Variants in IRF2 observed in about 807,000 individuals in gnomAD.
The protein encoded by IRF2 is interferon regulatory factor 2.
Under a neutral mutation model 40.6 loss-of-function variants are expected in IRF2, and 15 were observed. That is an observed-to-expected ratio of 0.37 (90% CI 0.25 to 0.57). IRF2 has a LOEUF of 0.57. Among genes scored for constraint, IRF2 ranks in the 20% least tolerant of loss-of-function variants. The pLI, the probability that IRF2 is intolerant of heterozygous loss-of-function variation, is 0.77. For missense variants in IRF2, 317 were observed against 455.7 expected, an observed-to-expected ratio of 0.70 and a Z score of 2.77; for synonymous variants, 151 against 165.5, an observed-to-expected ratio of 0.91 and a Z score of 0.67.
chr4:184,415,746 G>C (rs748910289), intron 5 of IRF2, among the ~76,000 whole-genome samples: 1 of 152,184 alleles, frequency 6.6e-6, no homozygotes, highest in Non-Finnish European at 1.5e-5. Context: ...CATTAACTGC[G>C]ATTATGAAAT....
At chr4:184,395,898 C>G (rs1736438174) in intron 7 of IRF2, among the ~76,000 whole-genome samples, 2 of 152,210 alleles carry the variant, frequency 1.3e-5, no homozygotes, top group African/African-American at 4.8e-5. Context: ...CTGCTGTTCT[C>G]CGGAATCTTT....
At chr4:184,467,339 C>T (rs1739364058) in intron 1 of IRF2, among the ~76,000 whole-genome samples, 1 of 152,188 alleles carries the variant, frequency 6.6e-6, no homozygotes, top group South Asian at 2.1e-4. Flanking sequence ...CCAGGAGTCA[C>T]TAGTCACCTA....
In IRF2 at chr4:184,448,212, C is replaced by A. The variant is rs537747703; in HGVS notation, c.-6-19142G>T. ...ATTTCCAGTACAGAGGGAAAGACGA[C>A]GACAGCCTTTCTGCAAATACAACAA... On this transcript the variant is annotated intron_variant, in intron 1 of 8. Transcript: ENST00000393593. The surrounding 1 kb of genome is among the most constrained non-coding windows in gnomAD (Gnocchi z 4.3). Among the ~76,000 whole-genome samples the A allele has an allele frequency of 6.6e-6, 1 of 152,190 alleles. No homozygotes were observed. Among genetic ancestry groups the A allele is most frequent in the Admixed American group, 6.5e-5 (1 of 15,284 alleles).
intron 1 of IRF2, among the ~76,000 whole-genome samples, chr4:184,455,301 CTTTTTT>C (rs1238177005): frequency 6.3e-5 from 2 of 31,928 alleles, no homozygotes; most frequent in Non-Finnish European, 1.1e-4. Flanking sequence ...CCTTCTTCTT[CTTTTTT>C]TTTTTTTTTT....
At chr4:184,452,375 C>T (rs1416986255) in intron 1 of IRF2, among the ~76,000 whole-genome samples, 6 of 152,294 alleles carry the variant, frequency 3.9e-5, no homozygotes, top group South Asian at 2.1e-4. Context: ...GAGTGAAAGA[C>T]GAGGCCATAG....
At position 184,395,140 on chromosome 4, in the gene IRF2, G is replaced by A. The variant is rs183049144; in HGVS notation, c.694+3775C>T. ...AAGGTGGTCAGAGCATGCCGGGCGC[G>A]GTGGCTCACGCCTGGAATCCCAGCA... On this transcript the variant is annotated intron_variant, in intron 7 of 8. Transcript: ENST00000393593. Among the ~76,000 whole-genome samples the A allele has an allele frequency of 3.3e-5, 5 of 151,966 alleles. No individual in the cohort carries two copies. The East Asian group carries it at 5.9e-4, about 18-fold the overall frequency.
At chr4:184,401,740 G>C (rs1424467710) in intron 6 of IRF2, among the ~76,000 whole-genome samples, 1 of 152,232 alleles carries the variant, frequency 6.6e-6, no homozygotes, top group South Asian at 2.1e-4. Context: ...CAAATGGGGT[G>C]TGAGAGTTTG....
chr4:184,452,389 T>C (rs1050856430), intron 1 of IRF2, among the ~76,000 whole-genome samples: 4 of 152,204 alleles, frequency 2.6e-5, no homozygotes, highest in Non-Finnish European at 4.4e-5. Flanking sequence ...GCCATAGCCA[T>C]ATCCAGAGGC....
At chr4:184,402,702 T>C (rs186748067) in intron 6 of IRF2, among the ~76,000 whole-genome samples, 3 of 152,160 alleles carry the variant, frequency 2.0e-5, no homozygotes, top group Admixed American at 2.0e-4. Flanking sequence ...ACAATTAATG[T>C]TTTCTAGAAA....
chr4:184,451,960 A>G (rs1738729034), intron 1 of IRF2, among the ~76,000 whole-genome samples: 2 of 152,176 alleles, frequency 1.3e-5, no homozygotes, highest in Admixed American at 6.5e-5. Context: ...AAGCCTTTTG[A>G]CCCTGTATGA....
At chr4:184,459,596 G>C (rs1056997879) in intron 1 of IRF2, among the ~76,000 whole-genome samples, 79 of 152,288 alleles carry the variant, frequency 5.2e-4, no homozygotes, top group African/African-American at 1.9e-3. Flanking sequence ...ATGGGGAGAA[G>C]CTTAGTTTTT....
At chr4:184,410,992 G>C (rs1737051522) in intron 5 of IRF2, among the ~76,000 whole-genome samples, 1 of 151,732 alleles carries the variant, frequency 6.6e-6, no homozygotes, top group Non-Finnish European at 1.5e-5. Context: ...AGAAGCCCTT[G>C]TATCCTGCCC....
chr4:184,472,574 G>A (rs1167196347), intron 1 of IRF2: 1 of 152,122 alleles, frequency 6.6e-6, no homozygotes, highest in African/African-American at 2.4e-5. Context: ...GAGGCCGGTG[G>A]CTGAAGACGA....
In IRF2 at chr4:184,408,576, A is replaced by G. The variant is rs1351242979; in HGVS notation, c.412-301T>C. Among the ~76,000 whole-genome samples, 1 of 152,202 alleles carries G rather than the reference A, an allele frequency of 6.6e-6. No homozygotes were observed. Among genetic ancestry groups the G allele is most frequent in the Non-Finnish European group, 1.5e-5 (1 of 68,038 alleles). On this transcript the variant is annotated intron_variant, in intron 5 of 8. Transcript: ENST00000393593. This position sits in a 1 kb window ranked among gnomAD's most constrained non-coding sequence, Gnocchi z 4.9. ...TAGCTTTGGGGCTACGCAGAGCTGCATCATTGTCTCTGTAAAATGCTGCAC... is the reference window on the plus strand; with the variant it reads ...TAGCTTTGGGGCTACGCAGAGCTGCGTCATTGTCTCTGTAAAATGCTGCAC...
At chr4:184,424,700 T>A (rs1362027778) in intron 2 of IRF2, among the ~76,000 whole-genome samples, 2 of 152,202 alleles carry the variant, frequency 1.3e-5, no homozygotes, top group African/African-American at 4.8e-5. Context: ...AATAAATTCC[T>A]CTTCTTTACA....
At chr4:184,440,047 G>A (rs1738244262) in intron 1 of IRF2, among the ~76,000 whole-genome samples, 1 of 152,218 alleles carries the variant, frequency 6.6e-6, no homozygotes, top group Non-Finnish European at 1.5e-5. Context: ...CTCTCAAAGG[G>A]CAGTTCCCTA....
chr4:184,438,395 A>G (rs2149907980), intron 1 of IRF2, among the ~76,000 whole-genome samples: 1 of 152,342 alleles, frequency 6.6e-6, no homozygotes, highest in Non-Finnish European at 1.5e-5. Context: ...AATTTACAAT[A>G]TGATAGAATG....
At chr4:184,391,890 C>T (rs537872947) in intron 7 of IRF2, among the ~76,000 whole-genome samples, 1 of 152,268 alleles carries the variant, frequency 6.6e-6, no homozygotes, top group Non-Finnish European at 1.5e-5. Flanking sequence ...GCACTGCCAC[C>T]ATCTAAGAGG....
intron 1 of IRF2, among the ~76,000 whole-genome samples, chr4:184,462,081 A>G (rs1024383552): frequency 4.6e-5 from 7 of 152,234 alleles, no homozygotes; most frequent in African/African-American, 1.4e-4. Flanking sequence ...ATCCTAAGAA[A>G]GAGCCAATAG....
Sources: gnomAD v4.1 joint callset for allele counts (sites outside exome capture counted in the v4.1 genomes callset) on GRCh38, gnomAD v4.1.1 for gene constraint, Gnocchi (gnomAD v3.1) non-coding constraint, MANE v1.5 for transcripts, NCBI Gene and HGNC (gene_info 2026-07-23, HGNC 2026-07-21) for gene names.